The following LIN54 variants were observed in gnomAD, a reference collection of about 807,000 sequenced individuals.
LIN54 encodes the protein lin-54 DREAM MuvB core complex component.
LIN54 carries 9 observed loss-of-function variants against 78.7 expected under a neutral mutation model. The observed-to-expected ratio is 0.11, with a 90% CI of 0.07 to 0.20. The LOEUF is 0.20. LIN54 is among the 10% of genes least tolerant of loss of function. LIN54 has a pLI of 1.00. For synonymous variants in LIN54, 269 were observed against 318.4 expected (o/e 0.84, Z 1.65); for missense variants, 573 against 889.9 (o/e 0.64, Z 4.53).
intron 4 of LIN54, among the ~76,000 whole-genome samples, chr4:82,967,108 C>T (rs1725265025): frequency 6.6e-6 from 1 of 151,766 alleles, no homozygotes; most frequent in Admixed American, 6.6e-5. Flanking sequence ...TGCCTGTAAT[C>T]CCAGCTACTC....
intron 5 of LIN54, among the ~76,000 whole-genome samples, chr4:82,941,558 T>C (rs1472053149): frequency 6.6e-6 from 1 of 152,126 alleles, no homozygotes; most frequent in African/African-American, 2.4e-5. Flanking sequence ...GAAAAATTAA[T>C]TGTATTTGGC....
intron 4 of LIN54, among the ~76,000 whole-genome samples, chr4:82,954,027 G>A (rs1050594561): frequency 1.3e-5 from 2 of 152,072 alleles, no homozygotes; most frequent in Non-Finnish European, 2.9e-5. Flanking sequence ...ATCTGTTCCT[G>A]TACTTAATTT....
At chr4:82,947,233 A>ATT (rs1233101387) in intron 4 of LIN54, among the ~76,000 whole-genome samples, 53 of 16,850 alleles carry the variant, frequency 3.1e-3, no homozygotes, top group South Asian at 8.2e-3. Flanking sequence ...ATATATATAT[A>ATT]TATTTTTTTT....
At chr4:82,936,791 G>A (rs1722430208) in intron 9 of LIN54, among the ~76,000 whole-genome samples, 1 of 152,088 alleles carries the variant, frequency 6.6e-6, no homozygotes, top group Non-Finnish European at 1.5e-5. Flanking sequence ...TAGTACTTTG[G>A]ATTCTATGCC....
At chr4:83,012,284 G>A (rs578228704), upstream of LIN54, among the ~76,000 whole-genome samples, 27 of 152,214 alleles carry the variant, frequency 1.8e-4, no homozygotes, top group South Asian at 2.9e-3. Context: ...TATGACATTT[G>A]GCTGGTGGGC....
chr4:83,000,747 C>T (rs1728683303), intron 1 of LIN54, among the ~76,000 whole-genome samples: 2 of 151,554 alleles, frequency 1.3e-5, no homozygotes, highest in African/African-American at 4.8e-5. Context: ...TCATGAAAAT[C>T]AGAAAGGATT....
chr4:82,946,293 T>C lies in LIN54; in HGVS notation c.1133A>G (p.Gln378Arg), dbSNP rs1325799368. The C allele has an allele frequency of 6.2e-7, 1 of 1,614,228 alleles. No individual in the cohort carries two copies. The highest frequency in any genetic ancestry group is 2.2e-5 in the East Asian group (1 of 44,892). Residue 378 changes from glutamine (Q) to arginine (R), a missense_variant, in exon 5 of 13, where the codon CAG (glutamine) becomes CGG (arginine). Physicochemically the swap from Gln to Arg is conservative, Grantham distance 43. Transcript: ENST00000340417. ...SASSSTQPVS[Q>R]NPSTNTQPLQ... is the part of the protein sequence containing the mutation. ...AGGCTGAGTGTTTGTACTGGGATTC[T>C]GACTAACTGGCTGGGTTGAGCTACT...
In LIN54 at chr4:82,962,687, T is replaced by C. The variant is rs373251152; in HGVS notation, c.951+7640A>G. 1.7e-4 allele frequency among the ~76,000 whole-genome samples: 25 copies of C among 149,212 alleles called. 3 individuals are homozygous for C. The highest frequency in any genetic ancestry group is 1.1e-3 in the Admixed American group (17 of 15,020). On this transcript the variant is annotated intron_variant, in intron 4 of 12. Coordinates refer to ENST00000340417, the MANE Select transcript of LIN54 (RefSeq NM_194282.4). ...AAAATGCTAGAAATTAAAAAAAAAATCACAAATGAAGAAGTCTTTAATAAG... is the reference window on the plus strand; with the variant it reads ...AAAATGCTAGAAATTAAAAAAAAAACCACAAATGAAGAAGTCTTTAATAAG...
intron 5 of LIN54, among the ~76,000 whole-genome samples, chr4:82,941,149 G>T (rs1578502170): frequency 2.3e-5 from 3 of 131,140 alleles, no homozygotes; most frequent in East Asian, 2.5e-4. Flanking sequence ...GAGTTAAGAG[G>T]ATATATATAT....
intron 4 of LIN54, among the ~76,000 whole-genome samples, chr4:82,952,321 G>T (rs1477190832): frequency 6.6e-6 from 1 of 152,144 alleles, no homozygotes; most frequent in Non-Finnish European, 1.5e-5. Context: ...AACTTGGATA[G>T]AATTTTCTCC....
In LIN54 at chr4:82,999,703, G is replaced by A. The variant is rs149563162; in HGVS notation, c.-33+10781C>T. ...AGAGGTGGGACAATAGCTTGAAACC[G>A]GGAGGCAGAGGCTACAGTGAGCTGA... On this transcript the variant is annotated intron_variant, in intron 1 of 12. Coordinates refer to ENST00000340417, the MANE Select transcript of LIN54 (RefSeq NM_194282.4). Among the ~76,000 whole-genome samples, 494 of 150,092 alleles carry A rather than the reference G, an allele frequency of 3.3e-3. 6 individuals are homozygous for A. Among genetic ancestry groups the A allele is most frequent in the African/African-American group, 0.011 (458 of 40,812 alleles).
intron 1 of LIN54, among the ~76,000 whole-genome samples, chr4:82,990,608 T>G (rs1263010072): frequency 6.6e-6 from 1 of 151,946 alleles, no homozygotes; most frequent in African/African-American, 2.4e-5. Flanking sequence ...CTCAGCCTCC[T>G]GAGTAGCTGG....
chr4:82,929,024 C>G (rs1007078393), intron 12 of LIN54, among the ~76,000 whole-genome samples: 3 of 152,178 alleles, frequency 2.0e-5, no homozygotes, highest in Non-Finnish European at 4.4e-5. Context: ...AAACCACTAA[C>G]TCAACAACCT....
At chr4:83,009,787 A>G (rs1729704295) in intron 1 of LIN54, among the ~76,000 whole-genome samples, 2 of 152,228 alleles carry the variant, frequency 1.3e-5, no homozygotes, top group South Asian at 2.1e-4. Context: ...GGTAAAACTC[A>G]GGACCAAAAG....
chr4:82,998,046 GTA>G (rs142178438), intron 1 of LIN54, among the ~76,000 whole-genome samples: 6 of 136,360 alleles, frequency 4.4e-5, no homozygotes, highest in East Asian at 2.1e-4. Flanking sequence ...ATACACACAC[GTA>G]TATATATATA....
At chr4:82,999,797 G>T (rs10017742) in intron 1 of LIN54, among the ~76,000 whole-genome samples, 132,650 of 137,612 alleles carry the variant, frequency 0.96, 64,030 homozygotes, top group East Asian at 0.99. Flanking sequence ...AAAAAAAAAG[G>T]CAAGAAAACA....
At chr4:83,008,176 A>T (rs1729556204) in intron 1 of LIN54, among the ~76,000 whole-genome samples, 1 of 152,066 alleles carries the variant, frequency 6.6e-6, no homozygotes, top group Admixed American at 6.6e-5. Context: ...ACTAAGTTAC[A>T]TTTTCTGTAA....
At chr4:82,985,623 C>A (rs1727064368) in intron 1 of LIN54, among the ~76,000 whole-genome samples, 1 of 152,216 alleles carries the variant, frequency 6.6e-6, no homozygotes, top group South Asian at 2.1e-4. Context: ...TCACTGCAAC[C>A]TCCGCTTCCT....
At chr4:83,012,081 C>T (rs371248644), upstream of LIN54, 156 of 976,750 alleles carry the variant, frequency 1.6e-4, 1 homozygote, top group Middle Eastern at 1.6e-3. Context: ...GGGCTGTCCA[C>T]CACCCACCCC....
Sources: gnomAD v4.1 joint callset for allele counts (sites outside exome capture counted in the v4.1 genomes callset) on GRCh38, gnomAD v4.1.1 for gene constraint, MANE v1.5 for transcripts, NCBI Gene and HGNC (gene_info 2026-07-23, HGNC 2026-07-21) for gene names.